Variants in SPAG16 observed in about 807,000 individuals in gnomAD.
The protein encoded by SPAG16 is sperm-associated antigen 16 protein.
SPAG16 carries 86 observed loss-of-function variants against 80.4 expected under a neutral mutation model. The observed-to-expected ratio is 1.07, with a 90% CI of 0.90 to 1.28. SPAG16 has a LOEUF of 1.28. Among genes scored for constraint, SPAG16 ranks in the 50% most tolerant of loss-of-function variants. The pLI, the probability that SPAG16 is intolerant of heterozygous loss-of-function variation, is 0.00. For synonymous variants in SPAG16, 294 were observed against 265.9 expected, an observed-to-expected ratio of 1.11 and a Z score of -1.03; for missense variants, 870 against 765.3, an observed-to-expected ratio of 1.14 and a Z score of -1.61.
intron 7 of SPAG16, among the ~76,000 whole-genome samples, chr2:213,361,677 A>G (rs1458894542): frequency 2.0e-5 from 3 of 150,800 alleles, no homozygotes; most frequent in Admixed American, 6.6e-5. Flanking sequence ...AGAAAAAAAA[A>G]CTCAACATAA....
intron 15 of SPAG16, among the ~76,000 whole-genome samples, chr2:214,149,621 G>C (rs186075055): frequency 5.9e-5 from 9 of 152,076 alleles, no homozygotes; most frequent in Non-Finnish European, 1.2e-4. Flanking sequence ...CAGTAGAGAA[G>C]AACAAAAGTT....
At chr2:214,074,616 A>G (rs2050975124) in intron 13 of SPAG16, among the ~76,000 whole-genome samples, 1 of 152,172 alleles carries the variant, frequency 6.6e-6, no homozygotes, top group Admixed American at 6.5e-5. Context: ...TATGAACTGA[A>G]AAGACAACCA....
At chr2:214,186,636 G>A (rs2057486917) in intron 15 of SPAG16, among the ~76,000 whole-genome samples, 1 of 152,064 alleles carries the variant, frequency 6.6e-6, no homozygotes, top group Non-Finnish European at 1.5e-5. Context: ...CAAAGAGAAG[G>A]AATAGATGGA....
intron 15 of SPAG16, among the ~76,000 whole-genome samples, chr2:214,214,100 G>A (rs142413225): frequency 9.9e-5 from 15 of 151,776 alleles, no homozygotes; most frequent in African/African-American, 3.4e-4. Flanking sequence ...TTATTCTATG[G>A]AAACAATTTG....
intron 11 of SPAG16, among the ~76,000 whole-genome samples, chr2:213,878,038 T>C (rs2076203611): frequency 6.6e-6 from 1 of 152,194 alleles, no homozygotes; most frequent in Non-Finnish European, 1.5e-5. Context: ...GCACTTTGTC[T>C]TTGCCATAGT....
chr2:213,811,777 A>C (rs891092827), intron 10 of SPAG16, among the ~76,000 whole-genome samples: 8 of 152,114 alleles, frequency 5.3e-5, no homozygotes, highest in Non-Finnish European at 1.0e-4. Context: ...TTATGATCCT[A>C]ACATAAAATC....
chr2:214,083,152 T>C (rs1056412678), intron 13 of SPAG16, among the ~76,000 whole-genome samples: 1 of 152,214 alleles, frequency 6.6e-6, no homozygotes, highest in African/African-American at 2.4e-5. Flanking sequence ...GGAGGGTTTA[T>C]TCTGAATTTG....
At chr2:214,112,813 C>T (rs1409541861) in intron 14 of SPAG16, among the ~76,000 whole-genome samples, 1 of 151,832 alleles carries the variant, frequency 6.6e-6, no homozygotes, top group Non-Finnish European at 1.5e-5. Context: ...GGCATATGGC[C>T]CATTTACATT....
At chr2:213,479,944 T>C (rs2073662261) in intron 9 of SPAG16, among the ~76,000 whole-genome samples, 1 of 152,212 alleles carries the variant, frequency 6.6e-6, no homozygotes, top group Non-Finnish European at 1.5e-5. Flanking sequence ...AATATATCTC[T>C]TCATATGTCC....
intron 12 of SPAG16, among the ~76,000 whole-genome samples, chr2:213,959,749 A>G (rs1267051446): frequency 6.6e-6 from 1 of 152,138 alleles, no homozygotes; most frequent in East Asian, 1.9e-4. Flanking sequence ...GAAACCTGTG[A>G]GTTATGAATT....
chr2:213,881,471 C>T (rs2076342778), intron 11 of SPAG16, among the ~76,000 whole-genome samples: 1 of 152,094 alleles, frequency 6.6e-6, no homozygotes, highest in South Asian at 2.1e-4. Context: ...TGTTTTTATA[C>T]TGCTATAAAG....
rs557632905 is a variant in SPAG16, at chr2:213,491,968, C to T, written c.1070+1878C>T. Among the ~76,000 whole-genome samples the T allele has an allele frequency of 2.7e-4, 41 of 152,212 alleles. 1 individual carries two copies. In the South Asian group the frequency reaches 7.9e-3, roughly 29 times the overall value. ...TCACTAGTCTCTTAGAGTAACATAC[C>T]GCAGTGGAAGATTAAGTTGTGACTT... is the stretch of plus-strand genomic sequence containing the variant. On this transcript the variant is annotated intron_variant, in intron 10 of 15. Transcript: ENST00000331683.
At chr2:214,175,765 A>C (rs2057059767) in intron 15 of SPAG16, among the ~76,000 whole-genome samples, 1 of 151,540 alleles carries the variant, frequency 6.6e-6, no homozygotes, top group Non-Finnish European at 1.5e-5. Context: ...AAGGAGAAAA[A>C]ACTGATAAAT....
chr2:214,289,280 G>A (rs575297268), intron 15 of SPAG16, among the ~76,000 whole-genome samples: 5 of 152,212 alleles, frequency 3.3e-5, no homozygotes, highest in South Asian at 2.1e-4. Context: ...AGTTCTCTGC[G>A]CTTTTGGGGT....
In SPAG16 at chr2:214,086,453, A is replaced by T. The variant is rs76157229; in HGVS notation, c.1528-21743A>T. On this transcript the variant is annotated intron_variant, in intron 13 of 15. Transcript: ENST00000331683. ...AATTGTAATCCCCATGTGTTGGGGG[A>T]GGGACCTTATGGAGGTGATGAGATC... 1.4e-4 allele frequency among the ~76,000 whole-genome samples: 22 copies of T among 152,140 alleles called. No homozygotes were observed. In the East Asian group the frequency reaches 4.3e-3, roughly 29 times the overall value.
chr2:213,380,720 G>A (rs1382426106), intron 9 of SPAG16, among the ~76,000 whole-genome samples: 1 of 152,150 alleles, frequency 6.6e-6, no homozygotes, highest in African/African-American at 2.4e-5. Flanking sequence ...AAGATGGCAG[G>A]GCCTTGCTCC....
intron 12 of SPAG16, among the ~76,000 whole-genome samples, chr2:214,008,025 T>C (rs763719060): frequency 6.6e-5 from 10 of 152,274 alleles, no homozygotes; most frequent in Non-Finnish European, 1.0e-4. Flanking sequence ...GACCTTGTAA[T>C]ATTTTTCTAC....
chr2:213,309,989 A>C, intron 3 of SPAG16, 70 bp from the exon 4 acceptor site: 1 of 970,860 alleles, frequency 1.0e-6, no homozygotes, highest in South Asian at 1.6e-5. Context: ...GAATGAGTCG[A>C]AGGCTTATCT....
At chr2:213,488,195 A>G (rs1289133511) in intron 9 of SPAG16, among the ~76,000 whole-genome samples, 1 of 152,158 alleles carries the variant, frequency 6.6e-6, no homozygotes, top group Non-Finnish European at 1.5e-5. Context: ...AATAATAAAT[A>G]TTATTCAAAG....
Sources: allele counts gnomAD v4.1 joint callset (sites outside exome capture counted in the v4.1 genomes callset), GRCh38; gene constraint gnomAD v4.1.1; transcripts MANE v1.5; gene names NCBI Gene and HGNC (gene_info 2026-07-23, HGNC 2026-07-21).